Variants in FSHR observed in about 807,000 individuals in gnomAD.
The protein encoded by FSHR is follicle stimulating hormone receptor.
In FSHR, 46 loss-of-function variants were observed where a neutral mutation model predicts 52.1. That is an observed-to-expected ratio of 0.88 (90% CI 0.70 to 1.13). FSHR has a LOEUF of 1.13. Among genes scored for constraint, FSHR ranks in the 50% most tolerant of loss-of-function variants. The pLI is 0.00. For synonymous variants in FSHR, 399 were observed against 309.6 expected (o/e 1.29, Z -3.03); for missense variants, 964 against 834.6 (o/e 1.16, Z -1.91).
intron 2 of FSHR, among the ~76,000 whole-genome samples, chr2:49,050,221 T>A (rs1328019112): frequency 6.6e-6 from 1 of 152,178 alleles, no homozygotes; most frequent in Admixed American, 6.5e-5. Context: ...ATTTCCCAAC[T>A]GATGGCTAAG....
chr2:49,138,828 TGTATTGTATGTGA>T (rs1180625861), intron 1 of FSHR, among the ~76,000 whole-genome samples: 5 of 152,178 alleles, frequency 3.3e-5, no homozygotes, highest in Non-Finnish European at 7.4e-5. Context: ...ATGAGAAGAT[TGTATTGTATGTGA>T]GTTATAGCTC....
intron 1 of FSHR, among the ~76,000 whole-genome samples, chr2:49,105,688 G>T (rs1375866097): frequency 6.6e-6 from 1 of 152,112 alleles, no homozygotes; most frequent in Non-Finnish European, 1.5e-5. Flanking sequence ...AGTCTTTCAG[G>T]ACAAAGCAGT....
intron 2 of FSHR, among the ~76,000 whole-genome samples, 185 bp downstream of exon 2, chr2:49,068,034 C>T (rs1669572474): frequency 6.6e-6 from 1 of 150,908 alleles, no homozygotes; most frequent in East Asian, 1.9e-4. Flanking sequence ...TCAATGGCCT[C>T]AGTGAAAGAC....
chr2:49,105,738 A>G (rs4510264), intron 1 of FSHR, among the ~76,000 whole-genome samples: 89,385 of 151,970 alleles, frequency 0.59, 26,555 homozygotes, highest in East Asian at 0.78. Context: ...AGCTGCCTGC[A>G]AGCTGCCCCA....
intron 1 of FSHR, among the ~76,000 whole-genome samples, chr2:49,075,351 C>A (rs1669910837): frequency 6.6e-6 from 1 of 151,618 alleles, no homozygotes; most frequent in African/African-American, 2.4e-5. Context: ...TATCACATTG[C>A]AAGATTTAAA....
chr2:49,051,034 A>G (rs1361905861), intron 2 of FSHR, among the ~76,000 whole-genome samples: 1 of 152,042 alleles, frequency 6.6e-6, no homozygotes, highest in Non-Finnish European at 1.5e-5. Flanking sequence ...TGCTTTTGAG[A>G]GATTTATCCA....
intron 1 of FSHR, among the ~76,000 whole-genome samples, chr2:49,071,319 A>C (rs541482560): frequency 6.6e-6 from 1 of 152,172 alleles, no homozygotes; most frequent in African/African-American, 2.4e-5. Context: ...ATGCAAGTGG[A>C]GGGAAAAATA....
At chr2:49,052,458 A>T (rs546101888) in intron 2 of FSHR, among the ~76,000 whole-genome samples, 1 of 152,360 alleles carries the variant, frequency 6.6e-6, no homozygotes, top group South Asian at 2.1e-4. Context: ...CATTAGAATC[A>T]TCAAGGGAGC....
At chr2:49,094,442 A>G (rs1670744194) in intron 1 of FSHR, among the ~76,000 whole-genome samples, 1 of 152,120 alleles carries the variant, frequency 6.6e-6, no homozygotes, top group Admixed American at 6.5e-5. Flanking sequence ...TTCCTTTATT[A>G]TTTATGTTCT....
intron 4 of FSHR, among the ~76,000 whole-genome samples, chr2:49,016,839 G>A (rs571543534): frequency 6.6e-6 from 1 of 152,308 alleles, no homozygotes; most frequent in South Asian, 2.1e-4. Flanking sequence ...CCTATGATCA[G>A]TAGCTGGTAA....
chr2:49,058,100 A>C (rs1054210108), intron 2 of FSHR, among the ~76,000 whole-genome samples: 1 of 152,366 alleles, frequency 6.6e-6, no homozygotes, highest in East Asian at 1.9e-4. Context: ...TTCTCTAACA[A>C]CTGGAATGTT....
chr2:49,095,245 A>C (rs1024998781), intron 1 of FSHR, among the ~76,000 whole-genome samples: 4 of 152,174 alleles, frequency 2.6e-5, no homozygotes, highest in Non-Finnish European at 4.4e-5. Flanking sequence ...GAGCTACAGT[A>C]ATAAGATGTG....
At chr2:48,982,291 A>C (rs1438578737) in intron 8 of FSHR, among the ~76,000 whole-genome samples, 1 of 152,180 alleles carries the variant, frequency 6.6e-6, no homozygotes, top group Non-Finnish European at 1.5e-5. Flanking sequence ...TTGGAGGGAA[A>C]GATGGAAGTA....
At chr2:49,069,072 G>A (rs759281781) in intron 1 of FSHR, among the ~76,000 whole-genome samples, 6 of 151,930 alleles carry the variant, frequency 3.9e-5, no homozygotes, top group Non-Finnish European at 8.8e-5. Flanking sequence ...ATTGTCTCAC[G>A]CTTGCCTCAA....
chr2:49,061,565 TATAC>T (rs1669291218), intron 2 of FSHR, among the ~76,000 whole-genome samples: 1 of 145,292 alleles, frequency 6.9e-6, no homozygotes. Context: ...TACATATAAA[TATAC>T]ATATTTAGAT....
intron 1 of FSHR, among the ~76,000 whole-genome samples, chr2:49,077,114 T>G (rs1269747539): frequency 6.6e-6 from 1 of 152,194 alleles, no homozygotes; most frequent in African/African-American, 2.4e-5. Flanking sequence ...CCACCACATA[T>G]TTCCCTTCCA....
intron 4 of FSHR, among the ~76,000 whole-genome samples, chr2:49,002,358 G>A (rs1225984280): frequency 7.2e-5 from 11 of 152,050 alleles, no homozygotes; most frequent in Non-Finnish European, 1.6e-4. Context: ...AAATGAGGCA[G>A]CTATTTTTTT....
chr2:48,969,015 A>C lies in FSHR; in HGVS notation c.669-132T>G, dbSNP rs1032158723. The C allele has an allele frequency of 2.8e-5, 23 of 829,228 alleles. No homozygotes were observed. In the South Asian group the frequency reaches 3.4e-4, roughly 12 times the overall value. The allele number at this position is 829,228 out of a possible 1,614,324, so 51.4% of individuals were successfully genotyped here. A position where few individuals can be genotyped will look rare whatever the true frequency, so the allele number is the denominator to read the frequency against. The stretch of plus-strand genomic sequence containing the variant: ...TGAGGAGAGAGACTCCGGTTCCTCC[A>C]ACACACCTTGGCCAGATGGATATTT... On this transcript the variant is annotated intron_variant, in intron 8 of 9. Coordinates refer to ENST00000406846, the MANE Select transcript of FSHR (RefSeq NM_000145.4).
chr2:49,021,886 T>TATATATATAGAGAGAG (rs1273265515), intron 2 of FSHR, among the ~76,000 whole-genome samples: 23 of 25,110 alleles, frequency 9.2e-4, no homozygotes, highest in East Asian at 2.7e-3. Context: ...TATATATATA[T>TATATATATAGAGAGAG]AGAGAGAGAG....
Sources: gnomAD v4.1 joint callset for allele counts (sites outside exome capture counted in the v4.1 genomes callset) on GRCh38, gnomAD v4.1.1 for gene constraint, MANE v1.5 for transcripts, NCBI Gene and HGNC (gene_info 2026-07-23, HGNC 2026-07-21) for gene names.